TANGO6: variants seen among roughly 807,000 people sequenced by gnomAD.
The protein encoded by TANGO6 is transport and golgi organization 6 homolog.
In TANGO6, 90 loss-of-function variants were observed where a neutral mutation model predicts 114.2. The ratio of observed to expected loss-of-function variants is 0.79; its 90% CI spans 0.66 to 0.94. TANGO6 has a LOEUF of 0.94. Ranked by LOEUF, TANGO6 falls within the 40% of genes least tolerant of loss-of-function variation. The pLI is 0.00. For synonymous variants in TANGO6, 477 were observed against 509.8 expected (o/e 0.94, Z 0.87); for missense variants, 1,274 against 1,315.3 (o/e 0.97, Z 0.49).
At chr16:68,911,502 C>T (rs1350601142) in intron 11 of TANGO6, among the ~76,000 whole-genome samples, 1 of 150,970 alleles carries the variant, frequency 6.6e-6, no homozygotes, top group Admixed American at 6.6e-5. Flanking sequence ...CTGCAACCTC[C>T]ACCTCCCGGG....
intron 1 of TANGO6, among the ~76,000 whole-genome samples, chr16:68,849,186 T>C (rs1490377649): frequency 6.6e-6 from 1 of 152,062 alleles, no homozygotes; most frequent in Non-Finnish European, 1.5e-5. Flanking sequence ...AATACAAAAA[T>C]TAGCCGAGTG....
At chr16:69,020,944 T>TGTGTGTGTGTGTG in intron 15 of TANGO6, among the ~76,000 whole-genome samples, 1 of 141,262 alleles carries the variant, frequency 7.1e-6, no homozygotes, top group East Asian at 2.1e-4. Flanking sequence ...GTGTGTGTGG[T>TGTGTGTGTGTGTG]GTGTGTGTGT....
intron 6 of TANGO6, among the ~76,000 whole-genome samples, chr16:68,878,991 G>T (rs1962414095): frequency 6.6e-6 from 1 of 151,780 alleles, no homozygotes; most frequent in African/African-American, 2.4e-5. Context: ...TGGGAGGATC[G>T]CTTGAGCCTG....
intron 17 of TANGO6, among the ~76,000 whole-genome samples, chr16:69,053,533 T>C (rs900071120): frequency 2.6e-5 from 4 of 152,220 alleles, no homozygotes; most frequent in African/African-American, 7.2e-5. Flanking sequence ...CTTCATCTTC[T>C]TGGAGGCATG....
In TANGO6 at chr16:68,859,890, G is replaced by A; in HGVS notation, c.101G>A (p.Gly34Asp). Residue 34 changes from glycine (G) to aspartate (D), a missense_variant, in exon 2 of 18, where the codon GGC (glycine) becomes GAC (aspartate). This residue lies in a region of TANGO6 where 114 missense variants were observed against 104.6 expected (regional missense o/e 1.09). Transcript: ENST00000261778. The part of the protein sequence containing the change: ...LKLLLSPGGS[G>D]SSSLQVTKHD... ...TTTTTTTCTTCTTCAAAAGGCTCGG[G>A]CTCAAGTTCACTACAGGTCACAAAA... 1 of 1,560,672 alleles carries A rather than the reference G, an allele frequency of 6.4e-7. No individual in the cohort carries two copies. Among genetic ancestry groups the A allele is most frequent in the Non-Finnish European group, 8.6e-7 (1 of 1,157,294 alleles).
intron 7 of TANGO6, among the ~76,000 whole-genome samples, chr16:68,897,321 T>C (rs1027840124): frequency 2.6e-5 from 4 of 152,200 alleles, no homozygotes; most frequent in Admixed American, 6.6e-5. Flanking sequence ...ATTATATAGT[T>C]GTTGTTTCTT....
At chr16:69,032,066 C>T (rs58387940) in intron 16 of TANGO6, among the ~76,000 whole-genome samples, 7,485 of 151,962 alleles carry the variant, frequency 0.049, 233 homozygotes, top group Non-Finnish European at 0.071. Flanking sequence ...AGAGGCCCTG[C>T]GACAGGTGCA....
At chr16:69,009,231 G>A (rs1028598699) in intron 15 of TANGO6, among the ~76,000 whole-genome samples, 1 of 151,616 alleles carries the variant, frequency 6.6e-6, no homozygotes, top group African/African-American at 2.4e-5. Context: ...ACAGGCACAC[G>A]CCACCATGCC....
chr16:69,007,451 A>G (rs1460787911), intron 15 of TANGO6, among the ~76,000 whole-genome samples: 2 of 151,262 alleles, frequency 1.3e-5, no homozygotes, highest in Admixed American at 6.6e-5. Context: ...TTGTATTTTT[A>G]GTAGAGACGG....
chr16:69,001,687 C>T (rs1003967608), intron 15 of TANGO6, among the ~76,000 whole-genome samples: 4 of 152,162 alleles, frequency 2.6e-5, no homozygotes, highest in African/African-American at 9.7e-5. Flanking sequence ...ATTCTAGATT[C>T]CTAAAAAGAA....
intron 1 of TANGO6, among the ~76,000 whole-genome samples, chr16:68,859,149 C>T (rs1046674309): frequency 9.2e-5 from 14 of 152,038 alleles, no homozygotes; most frequent in African/African-American, 3.4e-4. Flanking sequence ...TGAGGAAGAG[C>T]CTTTGTTCTG....
chr16:69,015,190 GT>G (rs928116720), intron 15 of TANGO6, among the ~76,000 whole-genome samples: 30 of 152,182 alleles, frequency 2.0e-4, no homozygotes, highest in Non-Finnish European at 3.7e-4. Flanking sequence ...AGCCAAGTAT[GT>G]GACAGATCTA....
At chr16:69,014,522 T>G (rs1390033054) in intron 15 of TANGO6, among the ~76,000 whole-genome samples, 5 of 152,130 alleles carry the variant, frequency 3.3e-5, no homozygotes, top group Non-Finnish European at 7.4e-5. Flanking sequence ...ACAAAATTAA[T>G]GTACTGTTTG....
intron 17 of TANGO6, among the ~76,000 whole-genome samples, chr16:69,045,269 A>G (rs928037657): frequency 6.0e-5 from 9 of 151,232 alleles, no homozygotes; most frequent in African/African-American, 2.2e-4. Flanking sequence ...CCTGGCTAAC[A>G]TGGTGAAACC....
chr16:68,883,139 G>C (rs1276383086), intron 7 of TANGO6, among the ~76,000 whole-genome samples: 1 of 152,198 alleles, frequency 6.6e-6, no homozygotes, highest in Non-Finnish European at 1.5e-5. Flanking sequence ...GGAGGCTGCA[G>C]TGAGCTGAGA....
At chr16:69,007,105 C>T (rs1964098181) in intron 15 of TANGO6, 1 of 152,150 alleles carries the variant, frequency 6.6e-6, no homozygotes. Context: ...AGGAGCCATG[C>T]TAATCTCTGT....
chr16:68,959,416 GTC>G (rs1007740388), intron 14 of TANGO6, among the ~76,000 whole-genome samples: 1 of 151,962 alleles, frequency 6.6e-6, no homozygotes, highest in Non-Finnish European at 1.5e-5. Flanking sequence ...GTGAAACCCT[GTC>G]TCTACTAAAA....
At chr16:68,876,143 A>G (rs919759901) in intron 5 of TANGO6, among the ~76,000 whole-genome samples, 1 of 151,704 alleles carries the variant, frequency 6.6e-6, no homozygotes, top group African/African-American at 2.4e-5. Flanking sequence ...ACATATACAC[A>G]TGATGGTACA....
chr16:69,065,816 G>A (rs1960206587), intron 17 of TANGO6, among the ~76,000 whole-genome samples: 1 of 152,122 alleles, frequency 6.6e-6, no homozygotes, highest in Non-Finnish European at 1.5e-5. Flanking sequence ...GTTTGAATTG[G>A]CCCTAATTTC....
Sources: allele counts gnomAD v4.1 joint callset (sites outside exome capture counted in the v4.1 genomes callset), GRCh38; gene constraint gnomAD v4.1.1; regional missense constraint gnomAD v4.1.1; transcripts MANE v1.5; gene names NCBI Gene and HGNC (gene_info 2026-07-23, HGNC 2026-07-21).